Variants in SDK1 observed in about 807,000 individuals in gnomAD.
SDK1 encodes sidekick cell adhesion molecule 1.
SDK1 carries 157 observed loss-of-function variants against 245.5 expected under a neutral mutation model. The ratio of observed to expected loss-of-function variants is 0.64; its 90% CI spans 0.56 to 0.73. The LOEUF is 0.73. Among genes scored for constraint, SDK1 ranks in the 30% least tolerant of loss-of-function variants. The pLI is 0.00. For synonymous variants in SDK1, 1,647 were observed against 1,278.5 expected (o/e 1.29, Z -6.15); for missense variants, 3,583 against 3,002.3 (o/e 1.19, Z -4.52).
chr7:3,418,073 T>G (rs149635545), intron 1 of SDK1, among the ~76,000 whole-genome samples: 3 of 147,472 alleles, frequency 2.0e-5, no homozygotes, highest in Non-Finnish European at 4.4e-5. Flanking sequence ...GGGTAAAAAT[T>G]CCTGATCACT....
chr7:4,120,369 T>C lies in SDK1; in HGVS notation c.3823+6095T>C, dbSNP rs544059094. 2.0e-5 allele frequency among the ~76,000 whole-genome samples: 3 copies of C among 148,702 alleles called. 1 individual carries two copies. In the South Asian group the frequency reaches 6.6e-4, roughly 33 times the overall value. ...CAAAGAGAAAAATCTTAAAAACAAT[T>C]GGAGTGAAAGGCAAATAATCACAAA... On this transcript the variant is annotated intron_variant, in intron 25 of 44. Transcript: ENST00000404826.
At chr7:3,498,036 A>C (rs73671864) in intron 1 of SDK1, among the ~76,000 whole-genome samples, 3,204 of 152,346 alleles carry the variant, frequency 0.021, 135 homozygotes, top group African/African-American at 0.073. Context: ...AATTGATTTA[A>C]AGAAACTAAC....
chr7:3,890,934 A>C (rs1781443331), intron 5 of SDK1, among the ~76,000 whole-genome samples: 1 of 152,180 alleles, frequency 6.6e-6, no homozygotes, highest in East Asian at 1.9e-4. Context: ...TCCATCTCAA[A>C]ACACCATTTA....
chr7:4,031,440 A>G (rs1452658547), intron 17 of SDK1, among the ~76,000 whole-genome samples: 1 of 152,186 alleles, frequency 6.6e-6, no homozygotes, highest in Non-Finnish European at 1.5e-5. Context: ...GATTGTATCC[A>G]GAGAAAGAGA....
intron 1 of SDK1, among the ~76,000 whole-genome samples, chr7:3,608,656 C>A (rs367923188): frequency 6.6e-6 from 1 of 152,066 alleles, no homozygotes; most frequent in Non-Finnish European, 1.5e-5. Context: ...AACGTGTCAA[C>A]GTTTGGAAGG....
intron 17 of SDK1, among the ~76,000 whole-genome samples, chr7:4,046,025 G>A (rs1201619475): frequency 1.3e-5 from 2 of 151,754 alleles, no homozygotes; most frequent in Admixed American, 6.6e-5. Context: ...CACTCCTGGG[G>A]TCAAGGGATC....
At chr7:4,095,755 G>A (rs1305842936) in intron 22 of SDK1, among the ~76,000 whole-genome samples, 2 of 152,094 alleles carry the variant, frequency 1.3e-5, no homozygotes, top group Non-Finnish European at 2.9e-5. Context: ...TGTATTTTTA[G>A]TAGAGATGGG....
intron 2 of SDK1, among the ~76,000 whole-genome samples, chr7:3,631,434 A>G (rs1013417294): frequency 1.3e-5 from 2 of 152,084 alleles, no homozygotes; most frequent in Non-Finnish European, 2.9e-5. Flanking sequence ...TTCAGCTTTC[A>G]TTTTCCTAAA....
At chr7:4,097,986 C>T (rs1267694582) in intron 22 of SDK1, among the ~76,000 whole-genome samples, 1 of 152,182 alleles carries the variant, frequency 6.6e-6, no homozygotes, top group South Asian at 2.1e-4. Context: ...TCTGCCTAAG[C>T]GTTTAGGTGC....
chr7:4,020,495 G>A (rs979404903), intron 17 of SDK1, among the ~76,000 whole-genome samples: 18 of 152,330 alleles, frequency 1.2e-4, no homozygotes, highest in African/African-American at 7.2e-5. Context: ...AGTCTAGAAA[G>A]AGCTGGGGAG....
intron 5 of SDK1, among the ~76,000 whole-genome samples, chr7:3,859,820 A>G (rs1780645114): frequency 6.6e-6 from 1 of 152,238 alleles, no homozygotes; most frequent in Non-Finnish European, 1.5e-5. Context: ...GGTGAAACAT[A>G]TACATGCAAA....
chr7:3,361,597 T>G (rs1780955632), intron 1 of SDK1, among the ~76,000 whole-genome samples: 1 of 152,222 alleles, frequency 6.6e-6, no homozygotes. Flanking sequence ...TATTTTTTAA[T>G]TGTTTCTAAA....
At position 3,412,349 on chromosome 7, in the gene SDK1, C is replaced by G. The variant is rs141824784; in HGVS notation, c.298+110465C>G. Among the ~76,000 whole-genome samples, 366 of 152,204 alleles carry G rather than the reference C, an allele frequency of 2.4e-3. 3 individuals carry two copies. Among genetic ancestry groups the G allele is most frequent in the African/African-American group, 8.4e-3 (350 of 41,516 alleles). On this transcript the variant is annotated intron_variant, in intron 1 of 44. Coordinates refer to ENST00000404826, the MANE Select transcript of SDK1 (RefSeq NM_152744.4). ...TTTATTTTTCCAAAATGGTATCAAA[C>G]TGTATATATTCTTCTGCACCTTGCC...
intron 28 of SDK1, among the ~76,000 whole-genome samples, chr7:4,136,396 T>C (rs1779093580): frequency 6.6e-6 from 1 of 152,210 alleles, no homozygotes; most frequent in African/African-American, 2.4e-5. Context: ...CTTGAATCAA[T>C]GTTCCCACTC....
chr7:3,732,538 C>G (rs916467903), intron 4 of SDK1, among the ~76,000 whole-genome samples: 9 of 152,170 alleles, frequency 5.9e-5, no homozygotes, highest in Non-Finnish European at 1.3e-4. Flanking sequence ...CACATATTTC[C>G]TTTTTTGTTC....
At chr7:3,432,764 A>G (rs544721031) in intron 1 of SDK1, among the ~76,000 whole-genome samples, 318 of 152,270 alleles carry the variant, frequency 2.1e-3, no homozygotes, top group African/African-American at 7.4e-3. Flanking sequence ...GTTGCTTTTG[A>G]AAGAGTCAGT....
intron 5 of SDK1, among the ~76,000 whole-genome samples, chr7:3,840,633 G>T (rs1780133173): frequency 1.3e-5 from 2 of 152,180 alleles, no homozygotes; most frequent in South Asian, 2.1e-4. Flanking sequence ...AAAAAACCAA[G>T]ATTTCCAACA....
chr7:4,181,484 C>G (rs1782600743), intron 35 of SDK1, among the ~76,000 whole-genome samples: 1 of 152,186 alleles, frequency 6.6e-6, no homozygotes, highest in South Asian at 2.1e-4. Context: ...TACAGGTGAG[C>G]CCGGCCTCTG....
chr7:3,354,159 C>A (rs536057695), intron 1 of SDK1, among the ~76,000 whole-genome samples: 1 of 151,870 alleles, frequency 6.6e-6, no homozygotes, highest in South Asian at 2.1e-4. Context: ...CCACCACACC[C>A]GGCTAATTTT....
Sources: gnomAD v4.1 joint callset for allele counts (sites outside exome capture counted in the v4.1 genomes callset) on GRCh38, gnomAD v4.1.1 for gene constraint, MANE v1.5 for transcripts, NCBI Gene and HGNC (gene_info 2026-07-23, HGNC 2026-07-21) for gene names.